DDAH1: variants seen among roughly 807,000 people sequenced by gnomAD.
The protein encoded by DDAH1 is dimethylarginine dimethylaminohydrolase 1.
In DDAH1, 19 loss-of-function variants were observed where a neutral mutation model predicts 28.8. The observed-to-expected ratio is 0.66, with a 90% CI of 0.46 to 0.97. The LOEUF (loss-of-function observed/expected upper bound fraction) is 0.97, where lower values mean the gene tolerates loss of function less well. Ranked by LOEUF, DDAH1 falls within the 50% of genes least tolerant of loss-of-function variation. The probability of loss-of-function intolerance (pLI) is 0.00; values close to 1 mark genes in which losing one functional copy is unlikely to be tolerated. For missense variants in DDAH1, 326 were observed against 375.9 expected (o/e 0.87, Z 1.10); for synonymous variants, 153 against 154.4 (o/e 0.99, Z 0.07).
intron 1 of DDAH1, among the ~76,000 whole-genome samples, chr1:85,441,366 C>A (rs1364303296): frequency 6.6e-6 from 1 of 152,018 alleles, no homozygotes; most frequent in Non-Finnish European, 1.5e-5. Flanking sequence ...CATGGTGAAA[C>A]CCCGTCTCTA....
intron 4 of DDAH1, among the ~76,000 whole-genome samples, chr1:85,337,218 A>G (rs1211358560): frequency 6.6e-6 from 1 of 152,132 alleles, no homozygotes; most frequent in Non-Finnish European, 1.5e-5. Context: ...ATTTTGCTGT[A>G]CTTAGGTGTC....
intron 1 of DDAH1, among the ~76,000 whole-genome samples, chr1:85,506,809 AT>A (rs1161044704): frequency 6.6e-6 from 1 of 152,168 alleles, no homozygotes. Flanking sequence ...GTGACAACTG[AT>A]TTTTAGGAAG....
chr1:85,506,065 G>T (rs1657006690), intron 1 of DDAH1, among the ~76,000 whole-genome samples: 1 of 152,202 alleles, frequency 6.6e-6, no homozygotes, highest in South Asian at 2.1e-4. Context: ...AATCCAGTGG[G>T]AGAAGACAAA....
intron 2 of DDAH1, among the ~76,000 whole-genome samples, chr1:85,484,517 T>C (rs1656132081): frequency 6.6e-6 from 1 of 152,120 alleles, no homozygotes; most frequent in African/African-American, 2.4e-5. Context: ...TCTTTACTTC[T>C]AGGAAACTGT....
chr1:85,517,913 C>G (rs532017543), intron 1 of DDAH1, among the ~76,000 whole-genome samples: 1 of 152,264 alleles, frequency 6.6e-6, no homozygotes, highest in Admixed American at 6.5e-5. Context: ...TTTTTAAAAT[C>G]AGTGATTTCT....
intron 1 of DDAH1, among the ~76,000 whole-genome samples, chr1:85,403,926 CA>C (rs1407356668): frequency 6.6e-6 from 1 of 152,138 alleles, no homozygotes; most frequent in Non-Finnish European, 1.5e-5. Flanking sequence ...CAAATGGATA[CA>C]TGTTGTACTC....
At chr1:85,569,377 C>T (rs1659390132) in intron 1 of DDAH1, among the ~76,000 whole-genome samples, 1 of 152,142 alleles carries the variant, frequency 6.6e-6, no homozygotes, top group Non-Finnish European at 1.5e-5. Context: ...TGTACTGACA[C>T]CAAATTGTGT....
chr1:85,507,527 T>TAAATAAACAAAC (rs71075841), intron 1 of DDAH1, among the ~76,000 whole-genome samples: 254 of 149,360 alleles, frequency 1.7e-3, no homozygotes, highest in Middle Eastern at 0.014. Flanking sequence ...AATAAATAAA[T>TAAATAAACAAAC]AAACAAACAA....
intron 1 of DDAH1, among the ~76,000 whole-genome samples, chr1:85,537,466 T>C (rs1339963555): frequency 1.3e-4 from 17 of 131,850 alleles, no homozygotes; most frequent in African/African-American, 4.7e-4. Flanking sequence ...ACATGTGGAA[T>C]CTGAAAAAAA....
chr1:85,566,118 C>A lies in DDAH1; in HGVS notation c.-123+11866G>T, dbSNP rs75673263. Among the ~76,000 whole-genome samples, 1,076 of 149,206 alleles carry A rather than the reference C, an allele frequency of 7.2e-3. 14 individuals carry two copies. Among genetic ancestry groups the A allele is most frequent in the African/African-American group, 0.025 (1,027 of 40,716 alleles). The stretch of plus-strand genomic sequence containing the variant: ...CAACCAAAAAACAAAAAACCAACAA[C>A]AAAGAGTTATAGTTCATCAGCCAAT... On this transcript the variant is annotated intron_variant, in intron 1 of 6. Coordinates refer to the DDAH1 transcript ENST00000426972.
intron 1 of DDAH1, among the ~76,000 whole-genome samples, chr1:85,501,422 C>G (rs918196398): frequency 4.6e-5 from 7 of 152,128 alleles, no homozygotes; most frequent in African/African-American, 1.7e-4. Flanking sequence ...TTTACAGCCC[C>G]CCAGTAGCTA....
chr1:85,355,211 C>A (rs925929523), intron 2 of DDAH1, among the ~76,000 whole-genome samples: 1 of 151,988 alleles, frequency 6.6e-6, no homozygotes, highest in Non-Finnish European at 1.5e-5. Context: ...TCTAAATTGT[C>A]ACATAATCAT....
chr1:85,571,483 C>T (rs183187178), intron 1 of DDAH1, among the ~76,000 whole-genome samples: 50 of 152,316 alleles, frequency 3.3e-4, no homozygotes, highest in East Asian at 1.9e-3. Context: ...CAAAGCTGCA[C>T]GGCTTCTAGA....
rs181398433 is a variant in DDAH1 at position 85,324,858 on chromosome 1, C to T, written c.623G>A (p.Arg208His). ...LKIMQQMSDH[R>H]YDKLTVPDDI... ...ATCAGGCACAGTGAGTTTGTCGTAGCGGTGGTCACTCATCTGTTGCATGAT... is the reference window on the plus strand; with the variant it reads ...ATCAGGCACAGTGAGTTTGTCGTAGTGGTGGTCACTCATCTGTTGCATGAT... The change falls in exon 5 of 6, where the codon CGC becomes CAC. Residue 208 changes from arginine (R) to histidine (H), a missense_variant. Transcript: ENST00000284031. 51 of 1,614,014 alleles carry T rather than the reference C, an allele frequency of 3.2e-5. No homozygotes were observed. Among genetic ancestry groups the T allele is most frequent in the Admixed American group, 8.3e-5 (5 of 60,004 alleles).
At chr1:85,342,021 C>T (rs1158398146) in intron 4 of DDAH1, among the ~76,000 whole-genome samples, 1 of 152,126 alleles carries the variant, frequency 6.6e-6, no homozygotes, top group East Asian at 1.9e-4. Context: ...CAGCATTTCA[C>T]CTTGACTGGC....
At chr1:85,362,156 C>T (rs1288281413) in intron 1 of DDAH1, among the ~76,000 whole-genome samples, 2 of 151,968 alleles carry the variant, frequency 1.3e-5, no homozygotes, top group Non-Finnish European at 2.9e-5. Context: ...AGTTAGAGAA[C>T]ATACATTGAG....
intron 1 of DDAH1, among the ~76,000 whole-genome samples, chr1:85,420,267 A>G (rs1557607842): frequency 6.6e-6 from 1 of 152,234 alleles, no homozygotes; most frequent in Non-Finnish European, 1.5e-5. Flanking sequence ...GGCTACCAGC[A>G]CTTGCCTTAT....
At chr1:85,547,142 G>T (rs561198055) in intron 1 of DDAH1, among the ~76,000 whole-genome samples, 2 of 152,240 alleles carry the variant, frequency 1.3e-5, no homozygotes, top group Non-Finnish European at 2.9e-5. Flanking sequence ...CCTGGTAGGA[G>T]TACTGGAACC....
chr1:85,325,593 G>T lies in DDAH1; in HGVS notation c.598-710C>A, dbSNP rs1031584645. 2.9e-4 allele frequency among the ~76,000 whole-genome samples: 44 copies of T among 150,468 alleles called. 1 individual carries two copies. The highest frequency in any genetic ancestry group is 1.1e-3 in the African/African-American group (44 of 40,934). On this transcript the variant is annotated intron_variant, in intron 4 of 5. Coordinates refer to ENST00000284031, the MANE Select transcript of DDAH1 (RefSeq NM_012137.4). ...ATAATTTTGAGGCAGAGGTTCCCTG[G>T]ACCACAACTGGAGAGAAAAAAAAAA... is the stretch of plus-strand genomic sequence containing the variant.
Sources: gnomAD v4.1 joint callset for allele counts (sites outside exome capture counted in the v4.1 genomes callset) on GRCh38, gnomAD v4.1.1 for gene constraint, MANE v1.5 for transcripts, NCBI Gene and HGNC (gene_info 2026-07-23, HGNC 2026-07-21) for gene names.